TMEM132C: variants seen among roughly 807,000 people sequenced by gnomAD.
The protein encoded by TMEM132C is transmembrane protein 132C, also known as protein phosphatase 1, regulatory subunit 152.
In TMEM132C, 29 loss-of-function variants were observed where a neutral mutation model predicts 61.4. The ratio of observed to expected loss-of-function variants is 0.47; its 90% confidence interval spans 0.35 to 0.64. The LOEUF (loss-of-function observed/expected upper bound fraction) is 0.64. TMEM132C is among the 30% of genes least tolerant of loss of function. TMEM132C has a pLI of 0.00. For synonymous variants in TMEM132C, 656 were observed against 633.1 expected, an observed-to-expected ratio of 1.04 and a Z score of -0.54; for missense variants, 1,408 against 1,476.9, an observed-to-expected ratio of 0.95 and a Z score of 0.76.
chr12:128,545,854 G>C (rs891848865), intron 3 of TMEM132C, among the ~76,000 whole-genome samples: 1 of 152,110 alleles, frequency 6.6e-6, no homozygotes, highest in South Asian at 2.1e-4. Flanking sequence ...GATTCAAAAC[G>C]TAAGATTATT....
intron 4 of TMEM132C, among the ~76,000 whole-genome samples, chr12:128,660,411 A>G (rs1212137930): frequency 6.6e-6 from 1 of 152,326 alleles, no homozygotes; most frequent in Non-Finnish European, 1.5e-5. Context: ...GGGCACAACC[A>G]CTGGGAGTTC....
chr12:128,673,196 C>A (rs1395780461), intron 5 of TMEM132C, among the ~76,000 whole-genome samples: 1 of 152,132 alleles, frequency 6.6e-6, no homozygotes, highest in Non-Finnish European at 1.5e-5. Flanking sequence ...GAGGTAGGGC[C>A]TTTAGGAGGT....
At chr12:128,401,252 TG>T (rs1875148188) in intron 1 of TMEM132C, among the ~76,000 whole-genome samples, 1 of 152,204 alleles carries the variant, frequency 6.6e-6, no homozygotes, top group African/African-American at 2.4e-5. Context: ...AGAAAAAGTT[TG>T]CCAACCCCTG....
At chr12:128,624,196 C>T (rs946171909) in intron 4 of TMEM132C, among the ~76,000 whole-genome samples, 1 of 152,076 alleles carries the variant, frequency 6.6e-6, no homozygotes, top group African/African-American at 2.4e-5. Flanking sequence ...CTCCTAATGC[C>T]TGTGTGACCT....
intron 1 of TMEM132C, among the ~76,000 whole-genome samples, chr12:128,325,402 T>C (rs1309650110): frequency 6.6e-6 from 1 of 152,144 alleles, no homozygotes; most frequent in African/African-American, 2.4e-5. Context: ...AGGATCACCA[T>C]TCGCCGTTTG....
intron 2 of TMEM132C, among the ~76,000 whole-genome samples, chr12:128,486,377 A>G (rs1345046817): frequency 6.6e-6 from 1 of 152,108 alleles, no homozygotes; most frequent in Non-Finnish European, 1.5e-5. Context: ...ATAATAGGAA[A>G]AGTAATTAAG....
Position 128,705,468 on chromosome 12 carries a change from A to G in TMEM132C, c.2500A>G (p.Thr834Ala). Residue 834 changes from threonine to alanine, a missense_variant, in exon 9 of 9, where the codon ACA becomes GCA. Physicochemically the swap from Thr to Ala is moderately conservative, Grantham distance 58. Coordinates refer to ENST00000435159, the MANE Select transcript of TMEM132C (RefSeq NM_001136103.3). ...RRQKGQHHER[T>A]GQDGHLYGSS... Reference sequence around the variant, plus strand: ...GCAGAAGGGCCAGCACCATGAGCGCACAGGCCAAGATGGGCACCTCTATGG... The same window carrying G: ...GCAGAAGGGCCAGCACCATGAGCGCGCAGGCCAAGATGGGCACCTCTATGG... 6.4e-7 allele frequency: 1 copy of G among 1,550,994 alleles called. No homozygotes were observed. Among genetic ancestry groups the G allele is most frequent in the Non-Finnish European group, 8.7e-7 (1 of 1,146,806 alleles).
chr12:128,299,766 A>G (rs1871537550), intron 1 of TMEM132C, among the ~76,000 whole-genome samples: 1 of 152,214 alleles, frequency 6.6e-6, no homozygotes, highest in Non-Finnish European at 1.5e-5. Context: ...AGCTGCATGC[A>G]GCCCAGGTTC....
intron 1 of TMEM132C, among the ~76,000 whole-genome samples, chr12:128,358,286 ACTTTAAAT>A (rs1873583861): frequency 1.3e-5 from 2 of 152,174 alleles, no homozygotes; most frequent in African/African-American, 4.8e-5. Flanking sequence ...ACAGCGGGAC[ACTTTAAAT>A]CTTTAATACC....
At chr12:128,501,449 T>A (rs924994523) in intron 2 of TMEM132C, among the ~76,000 whole-genome samples, 6 of 152,196 alleles carry the variant, frequency 3.9e-5, no homozygotes, top group Admixed American at 6.5e-5. Flanking sequence ...AGCTCCTAAC[T>A]AAGTGAGTGG....
chr12:128,665,892 G>GGCAA, intron 4 of TMEM132C, among the ~76,000 whole-genome samples: 1 of 100,610 alleles, frequency 9.9e-6, no homozygotes, highest in South Asian at 3.2e-4. Flanking sequence ...TAAACACACA[G>GGCAA]CCACACACAC....
chr12:128,481,001 C>T (rs1026413414), intron 2 of TMEM132C, among the ~76,000 whole-genome samples: 8 of 152,160 alleles, frequency 5.3e-5, no homozygotes, highest in Admixed American at 2.0e-4. Context: ...CCCAGCATCT[C>T]GCACGCTTCC....
intron 2 of TMEM132C, among the ~76,000 whole-genome samples, chr12:128,464,123 G>A (rs972385706): frequency 9.2e-5 from 14 of 152,178 alleles, no homozygotes; most frequent in African/African-American, 2.4e-4. Flanking sequence ...CTGATGTCAC[G>A]TCAGGCAACA....
intron 1 of TMEM132C, among the ~76,000 whole-genome samples, chr12:128,388,246 C>A (rs1205222082): frequency 6.6e-6 from 1 of 152,224 alleles, no homozygotes; most frequent in African/African-American, 2.4e-5. Context: ...CCAGGGCGGC[C>A]AGGTGGGGCC....
At chr12:128,469,943 A>T (rs141347481) in intron 2 of TMEM132C, among the ~76,000 whole-genome samples, 1 of 152,122 alleles carries the variant, frequency 6.6e-6, no homozygotes, top group Non-Finnish European at 1.5e-5. Context: ...ATGTGTGTAC[A>T]TTTATATCTG....
rs114589836 is a variant in TMEM132C, at chr12:128,501,879, T to A, written c.975-42078T>A. Among the ~76,000 whole-genome samples the A allele has an allele frequency of 5.0e-3, 767 of 152,302 alleles. 9 individuals carry two copies. The highest frequency in any genetic ancestry group is 0.017 in the African/African-American group (724 of 41,568). Reference sequence around the variant, plus strand: ...ATTCTCAACCATTGCCTCCCAAGCCTTTGTGTCTGTAACACTTTGACATCC... The same window carrying A: ...ATTCTCAACCATTGCCTCCCAAGCCATTGTGTCTGTAACACTTTGACATCC... On this transcript the variant is annotated intron_variant, in intron 2 of 8. Transcript: ENST00000435159.
At chr12:128,413,988 T>C (rs1481804251) in intron 1 of TMEM132C, among the ~76,000 whole-genome samples, 1 of 152,236 alleles carries the variant, frequency 6.6e-6, no homozygotes, top group Non-Finnish European at 1.5e-5. Context: ...ACTTCTTTGA[T>C]TTATATTGCT....
At chr12:128,550,818 T>A (rs565257269) in intron 3 of TMEM132C, among the ~76,000 whole-genome samples, 1 of 152,196 alleles carries the variant, frequency 6.6e-6, no homozygotes, top group Admixed American at 6.5e-5. Flanking sequence ...CTGCACCACC[T>A]GGGGCTGCCC....
At chr12:128,650,340 G>A (rs1478587767) in intron 4 of TMEM132C, among the ~76,000 whole-genome samples, 3 of 152,078 alleles carry the variant, frequency 2.0e-5, no homozygotes, top group African/African-American at 7.2e-5. Flanking sequence ...ACCCCAAGAA[G>A]ACCCATGAAC....
Sources: gnomAD v4.1 joint callset for allele counts (sites outside exome capture counted in the v4.1 genomes callset) on GRCh38, gnomAD v4.1.1 for gene constraint, MANE v1.5 for transcripts, NCBI Gene and HGNC (gene_info 2026-07-23, HGNC 2026-07-21) for gene names.